The following TCP1 variants were observed in gnomAD, a reference collection of about 807,000 sequenced individuals.
TCP1 encodes the protein t-complex 1.
A neutral mutation model predicts 54.7 loss-of-function variants in TCP1; 6 were observed. That is an observed-to-expected ratio of 0.11 (90% CI 0.06 to 0.22). The LOEUF (loss-of-function observed/expected upper bound fraction) is 0.22. Ranked by LOEUF, TCP1 falls within the 10% of genes least tolerant of loss-of-function variation. The pLI, the probability that TCP1 is intolerant of heterozygous loss-of-function variation, is 1.00. For synonymous variants in TCP1, 225 were observed against 229.7 expected, an observed-to-expected ratio of 0.98 and a Z score of 0.19; for missense variants, 511 against 678.2, an observed-to-expected ratio of 0.75 and a Z score of 2.74.
At chr6:159,788,299 T>C (rs1780747593) in intron 1 of TCP1, 156 bp from the exon 2 acceptor site, 1 of 651,998 alleles carries the variant, frequency 1.5e-6, no homozygotes, top group Admixed American at 2.7e-5. Flanking sequence ...CTACTAAGAG[T>C]GTAAATGGGG....
intron 5 of TCP1, 74 bp downstream of exon 5, chr6:159,785,312 C>A (rs375580229): frequency 1.8e-6 from 2 of 1,130,710 alleles, no homozygotes; most frequent in Admixed American, 1.7e-5. Context: ...GGACTACAGG[C>A]ACATACCACC....
Position 159,778,814 on chromosome 6 carries a change from T to C in TCP1, c.*231A>G. 1 of 1,614,210 alleles carries C rather than the reference T, an allele frequency of 6.2e-7. No individual in the cohort carries two copies. On this transcript the variant is annotated 3_prime_UTR_variant, in exon 12 of 12. Transcript: ENST00000321394. ...GGGGTGGGATGGGAATAGCAATGTG[T>C]GTTCAGAGAGAATGAATTGCTTAAA...
chr6:159,785,320 A>G, intron 5 of TCP1, 66 bp downstream of exon 5: 12 of 1,224,550 alleles, frequency 9.8e-6, no homozygotes, highest in Non-Finnish European at 1.2e-5. Flanking sequence ...GGCACATACC[A>G]CCATGCCCAT....
intron 7 of TCP1, among the ~76,000 whole-genome samples, chr6:159,782,218 A>T (rs1428035107): frequency 6.6e-6 from 1 of 152,222 alleles, no homozygotes; most frequent in Non-Finnish European, 1.5e-5. Flanking sequence ...AGATTTGAAG[A>T]GTCAATATGA....
chr6:159,784,300 AT>A (rs1272590045), intron 6 of TCP1, among the ~76,000 whole-genome samples: 2 of 147,120 alleles, frequency 1.4e-5, no homozygotes, highest in African/African-American at 5.0e-5. Flanking sequence ...ACAAAAAAAC[AT>A]TTTTTATTTT....
At position 159,778,503 on chromosome 6, in the gene TCP1, T is replaced by C. The variant is rs1780484247; in HGVS notation, c.*542A>G. 1.1e-6 allele frequency: 1 copy of C among 877,620 alleles called. No individual in the cohort carries two copies. The highest frequency in any genetic ancestry group is 1.7e-6 in the Non-Finnish European group (1 of 596,662). The allele number at this position is 877,620 out of a possible 1,614,324, so 54.4% of individuals were successfully genotyped here. A position where few individuals can be genotyped will look rare whatever the true frequency, so the allele number is the denominator to read the frequency against. On this transcript the variant is annotated 3_prime_UTR_variant, in exon 12 of 12. Transcript: ENST00000321394. ...CGAGGTAAGATAGGCAGGGATGAATTTTCACAAAGGTGTAAATTTATTCCT... is the reference window on the plus strand; with the variant it reads ...CGAGGTAAGATAGGCAGGGATGAATCTTCACAAAGGTGTAAATTTATTCCT...
chr6:159,778,701 G>C lies in TCP1; in HGVS notation c.*344C>G, dbSNP rs751073839. On this transcript the variant is annotated 3_prime_UTR_variant, in exon 12 of 12. Transcript: ENST00000321394. Reference sequence around the variant, plus strand: ...GGCTATAGCCTTGGGCCACCCTCTTGGAGCATCTGGCTGTCGAATTCTTGT... The same window carrying C: ...GGCTATAGCCTTGGGCCACCCTCTTCGAGCATCTGGCTGTCGAATTCTTGT... 2 of 1,614,214 alleles carry C rather than the reference G, an allele frequency of 1.2e-6. No individual in the cohort carries two copies. Among genetic ancestry groups the C allele is most frequent in the South Asian group, 1.1e-5 (1 of 91,086 alleles).
intron 9 of TCP1, 56 bp downstream of exon 9, chr6:159,780,387 C>G: frequency 1.2e-6 from 2 of 1,612,292 alleles, no homozygotes; most frequent in Non-Finnish European, 1.7e-6. Flanking sequence ...GGAAGAAAAC[C>G]TACTTTTACT....
At position 159,787,736 on chromosome 6, in the gene TCP1, T is replaced by A; in HGVS notation, c.279+7A>T. On this transcript the variant is annotated splice_region_variant and intron_variant, in intron 3 of 11. Transcript: ENST00000321394. ...AAAAATGATCATTCTTTAGCCAGTCTACCTACCACTGAAGTAGTTCCATCT... is the reference window on the plus strand; with the variant it reads ...AAAAATGATCATTCTTTAGCCAGTCAACCTACCACTGAAGTAGTTCCATCT... 1 of 1,611,022 alleles carries A rather than the reference T, an allele frequency of 6.2e-7. No homozygotes were observed. The highest frequency in any genetic ancestry group is 2.2e-5 in the East Asian group (1 of 44,816).
rs1388059109 is a variant in TCP1 at position 159,778,513 on chromosome 6, G to A, written c.*532C>T. 1 of 914,158 alleles carries A rather than the reference G, an allele frequency of 1.1e-6. No homozygotes were observed. The highest frequency in any genetic ancestry group is 2.7e-5 in the East Asian group (1 of 37,584). The allele number at this position is 914,158 out of a possible 1,614,324, so 56.6% of individuals were successfully genotyped here. ...TAGGCAGGGATGAATTTTCACAAAG[G>A]TGTAAATTTATTCCTAAGCAGTTAA... is the stretch of plus-strand genomic sequence containing the variant. On this transcript the variant is annotated 3_prime_UTR_variant, in exon 12 of 12. Transcript: ENST00000321394.
intron 1 of TCP1, 124 bp from the exon 2 acceptor site, chr6:159,788,267 G>C: frequency 2.2e-6 from 2 of 898,550 alleles, no homozygotes; most frequent in Non-Finnish European, 3.4e-6. Flanking sequence ...CTACAAATCT[G>C]TGTTAATTAT....
In TCP1 at chr6:159,778,644, T is replaced by A; in HGVS notation, c.*401A>T. On this transcript the variant is annotated 3_prime_UTR_variant, in exon 12 of 12. Coordinates refer to ENST00000321394, the MANE Select transcript of TCP1 (RefSeq NM_030752.3). ...ACAGAAGAATAAACAATCTAAATCT[T>A]TTCTCCCCCGTTAGGTCAATATTGA... 1 of 1,612,200 alleles carries A rather than the reference T, an allele frequency of 6.2e-7. No individual in the cohort carries two copies. Among genetic ancestry groups the A allele is most frequent in the Non-Finnish European group, 8.5e-7 (1 of 1,178,710 alleles).
At chr6:159,785,066 A>G in intron 5 of TCP1, 3 of 618,886 alleles carry the variant, frequency 4.8e-6, no homozygotes, top group South Asian at 3.9e-5. Flanking sequence ...AAAGCAGGGA[A>G]GGCAACAGGT....
In TCP1 at chr6:159,781,072, A is replaced by C; in HGVS notation, c.836T>G (p.Leu279Arg). The part of the protein sequence containing the change: ...DITKERIQKI[L>R]ATGANVILTT... ...TAGAATAACATTGGCACCAGTTGCC[A>C]GGATCTTCTGAATTCTCTCCTTGGT... The change falls in exon 8 of 12, where the codon CTG (leucine) becomes CGG (arginine). Residue 279 changes from leucine to arginine, a missense_variant. Coordinates refer to ENST00000321394, the MANE Select transcript of TCP1 (RefSeq NM_030752.3). The C allele has an allele frequency of 6.2e-7, 1 of 1,610,904 alleles. No homozygotes were observed. Among genetic ancestry groups the C allele is most frequent in the South Asian group, 1.1e-5 (1 of 90,122 alleles).
At chr6:159,782,173 C>T (rs1262676029) in intron 7 of TCP1, among the ~76,000 whole-genome samples, 2 of 152,194 alleles carry the variant, frequency 1.3e-5, no homozygotes, top group African/African-American at 2.4e-5. Flanking sequence ...GAGGCAGTCA[C>T]TTACATCATG....
Position 159,778,818 on chromosome 6 carries a change from C to CAG in TCP1, c.*225_*226dup. The CAG allele has an allele frequency of 6.2e-7, 1 of 1,614,130 alleles. No individual in the cohort carries two copies. Among genetic ancestry groups the CAG allele is most frequent in the Non-Finnish European group, 8.5e-7 (1 of 1,180,022 alleles). On this transcript the variant is annotated 3_prime_UTR_variant, in exon 12 of 12. Transcript: ENST00000321394. ...TGGGATGGGAATAGCAATGTGTGTT[C>CAG]AGAGAGAATGAATTGCTTAAACTTT...
intron 5 of TCP1, 51 bp downstream of exon 5, chr6:159,785,333 CAA>C: frequency 7.2e-7 from 1 of 1,397,858 alleles, no homozygotes; most frequent in Non-Finnish European, 1.0e-6. Context: ...ATGCCCATCT[CAA>C]AGTCTTATGC....
intron 3 of TCP1, among the ~76,000 whole-genome samples, chr6:159,786,443 T>C (rs184643296): frequency 2.4e-4 from 37 of 152,296 alleles, no homozygotes; most frequent in Admixed American, 2.0e-3. Flanking sequence ...AACTAGTTCA[T>C]CAATACAACC....
At chr6:159,784,520 G>T (rs1313866392) in intron 6 of TCP1, 146 bp downstream of exon 6, 2 of 783,920 alleles carry the variant, frequency 2.6e-6, no homozygotes, top group Non-Finnish European at 4.0e-6. Flanking sequence ...TGGACAGGCT[G>T]CTCTCAAACT....
Sources: allele counts gnomAD v4.1 joint callset (sites outside exome capture counted in the v4.1 genomes callset), GRCh38; gene constraint gnomAD v4.1.1; transcripts MANE v1.5; gene names NCBI Gene and HGNC (gene_info 2026-07-23, HGNC 2026-07-21).